OR51C1: variants seen among roughly 807,000 people sequenced by gnomAD.
The protein encoded by OR51C1 is olfactory receptor family 51 subfamily C member 1, also known as olfactory receptor OR51C1.
At chr11:4,691,653 G>T in the OR51C1 span, 1 of 415,368 alleles carries the variant, frequency 2.4e-6, no homozygotes, top group African/African-American at 2.1e-5. Flanking sequence ...AGGAACACCA[G>T]TGAGCAGGAA....
At chr11:4,691,484 G>A in the OR51C1 span, 8 of 456,434 alleles carry the variant, frequency 1.8e-5, no homozygotes, top group South Asian at 3.1e-5. Flanking sequence ...TGGACAGGCC[G>A]AGGTCAGTGG....
At chr11:4,696,561 A>C in the OR51C1 span, among the ~76,000 whole-genome samples, 6 of 152,092 alleles carry the variant, frequency 3.9e-5, no homozygotes, top group East Asian at 1.9e-4. Flanking sequence ...AAAAAATCTT[A>C]AGTGTTTATA....
the OR51C1 span, among the ~76,000 whole-genome samples, chr11:4,692,908 G>T: frequency 6.6e-6 from 1 of 151,970 alleles, no homozygotes; most frequent in Non-Finnish European, 1.5e-5. Flanking sequence ...AAAACTAGAT[G>T]AAAAACAAGA....
the OR51C1 span, chr11:4,691,730 A>G: frequency 4.0e-5 from 14 of 346,448 alleles, no homozygotes; most frequent in African/African-American, 2.8e-4. Context: ...GAACGAGATG[A>G]GAGCTTAAAC....
At chr11:4,690,559 C>A in the OR51C1 span, 1 of 247,894 alleles carries the variant, frequency 4.0e-6, no homozygotes, top group Non-Finnish European at 8.0e-6. Flanking sequence ...TCTTCCATCC[C>A]ATGTCTTCAC....
At chr11:4,690,477 C>T in the OR51C1 span, 1 of 172,492 alleles carries the variant, frequency 5.8e-6, no homozygotes, top group African/African-American at 2.4e-5. Context: ...CAGAAGGCAA[C>T]AACAGTTTGG....
the OR51C1 span, among the ~76,000 whole-genome samples, chr11:4,695,091 A>G: frequency 6.6e-6 from 1 of 152,200 alleles, no homozygotes; most frequent in Non-Finnish European, 1.5e-5. Context: ...ATGAAGCTAG[A>G]GAAAGCACCA....
At chr11:4,695,581 G>A in the OR51C1 span, among the ~76,000 whole-genome samples, 1 of 152,100 alleles carries the variant, frequency 6.6e-6, no homozygotes, top group Non-Finnish European at 1.5e-5. Flanking sequence ...TTCACCTTCA[G>A]TAACAATCTG....
At chr11:4,697,010 A>G in the OR51C1 span, among the ~76,000 whole-genome samples, 2 of 152,198 alleles carry the variant, frequency 1.3e-5, no homozygotes, top group African/African-American at 4.8e-5. Context: ...TGTGAACATT[A>G]TTGTCCTCAG....
At chr11:4,694,511 T>TATATATATACACACAC in the OR51C1 span, among the ~76,000 whole-genome samples, 4 of 120,862 alleles carry the variant, frequency 3.3e-5, no homozygotes, top group Non-Finnish European at 7.3e-5. Flanking sequence ...TACACACACA[T>TATATATATACACACAC]ATATATATAT....
the OR51C1 span, chr11:4,692,103 C>T: frequency 2.3e-6 from 1 of 435,484 alleles, no homozygotes; most frequent in African/African-American, 2.1e-5. Flanking sequence ...TATTTTTCCT[C>T]TATGGTTGGC....
chr11:4,691,494 G>T, the OR51C1 span: 20 of 456,438 alleles, frequency 4.4e-5, no homozygotes, highest in South Asian at 3.0e-4. Context: ...GAGGTCAGTG[G>T]CGGACAGCAT....
At chr11:4,695,087 C>T in the OR51C1 span, among the ~76,000 whole-genome samples, 1 of 152,260 alleles carries the variant, frequency 6.6e-6, no homozygotes, top group Admixed American at 6.5e-5. Context: ...GGAAATGAAG[C>T]TAGAGAAAGC....
At chr11:4,691,454 C>T in the OR51C1 span, 2 of 456,500 alleles carry the variant, frequency 4.4e-6, no homozygotes, top group Non-Finnish European at 8.8e-6. Context: ...ATATACTCAG[C>T]ATGGTGACCA....
chr11:4,691,968 G>C, the OR51C1 span, among the ~76,000 whole-genome samples: 3 of 152,134 alleles, frequency 2.0e-5, no homozygotes, highest in African/African-American at 7.2e-5. Flanking sequence ...TTTATATCAT[G>C]TGACCACTCC....
the OR51C1 span, chr11:4,690,751 T>C: frequency 1.0e-5 from 4 of 392,142 alleles, no homozygotes; most frequent in South Asian, 7.8e-5. Context: ...GCTAGAATTC[T>C]ACAATTTTAT....
chr11:4,696,332 T>C, the OR51C1 span, among the ~76,000 whole-genome samples: 3 of 152,054 alleles, frequency 2.0e-5, no homozygotes, highest in Admixed American at 1.3e-4. Flanking sequence ...TAGTAAATCA[T>C]TGAATTAAAA....
chr11:4,690,937 G>C, the OR51C1 span: 1 of 455,268 alleles, frequency 2.2e-6, no homozygotes, highest in South Asian at 1.6e-5. Context: ...CTGATCAATG[G>C]AATGTAATAT....
chr11:4,695,776 G>GT, the OR51C1 span, among the ~76,000 whole-genome samples: 5 of 150,784 alleles, frequency 3.3e-5, no homozygotes, highest in African/African-American at 1.2e-4. Context: ...ATTCTGTGAG[G>GT]TTTTTTTTTT....
Sources: allele counts gnomAD v4.1 joint callset (sites outside exome capture counted in the v4.1 genomes callset), GRCh38; gene constraint gnomAD v4.1.1; transcripts MANE v1.5; gene names NCBI Gene and HGNC (gene_info 2026-07-23, HGNC 2026-07-21).